Variants in RAB27B observed in about 807,000 individuals in gnomAD.
RAB27B encodes the protein RAB27B, member RAS oncogene family.
In RAB27B, 15 loss-of-function variants were observed where a neutral mutation model predicts 24.6. The ratio of observed to expected loss-of-function variants is 0.61; its 90% CI spans 0.41 to 0.94. The LOEUF (loss-of-function observed/expected upper bound fraction) is 0.94. Among genes scored for constraint, RAB27B ranks in the 40% least tolerant of loss-of-function variants. RAB27B has a pLI of 0.00. For missense variants in RAB27B, 261 were observed against 266.8 expected (o/e 0.98, Z 0.15); for synonymous variants, 105 against 92.5 (o/e 1.14, Z -0.78).
intron 2 of RAB27B, among the ~76,000 whole-genome samples, chr18:54,801,882 TGTCA>T (rs1909623730): frequency 6.6e-6 from 1 of 152,166 alleles, no homozygotes; most frequent in African/African-American, 2.4e-5. Flanking sequence ...CTATTAAAAT[TGTCA>T]GTCCTATTTT....
intron 3 of RAB27B, among the ~76,000 whole-genome samples, chr18:54,882,181 G>A (rs1205834634): frequency 1.3e-5 from 2 of 152,096 alleles, no homozygotes; most frequent in Non-Finnish European, 2.9e-5. Flanking sequence ...TCCTACTTTG[G>A]AAATAAATAG....
At chr18:54,882,672 G>A (rs569299424) in intron 3 of RAB27B, among the ~76,000 whole-genome samples, 5 of 152,314 alleles carry the variant, frequency 3.3e-5, no homozygotes, top group Admixed American at 2.0e-4. Flanking sequence ...AGAAAGACCA[G>A]CATGTGTGAA....
intron 2 of RAB27B, among the ~76,000 whole-genome samples, chr18:54,804,934 CTTTCTTTCTTTCTTTCTTTCTCTT>C: frequency 2.6e-5 from 2 of 76,570 alleles, no homozygotes; most frequent in East Asian, 4.7e-4. Context: ...TTCTTTCTTT[CTTTCTTTCTTTCTTTCTTTCTCTT>C]TCTTTCTGCC....
chr18:54,785,088 C>T (rs1278195577), intron 2 of RAB27B, among the ~76,000 whole-genome samples: 1 of 144,156 alleles, frequency 6.9e-6, no homozygotes, highest in Non-Finnish European at 1.5e-5. Context: ...TGTACCTGCC[C>T]TTCCATCTGG....
intron 1 of RAB27B, among the ~76,000 whole-genome samples, chr18:54,843,991 A>G (rs1453687864): frequency 6.6e-6 from 1 of 152,232 alleles, no homozygotes; most frequent in East Asian, 1.9e-4. Context: ...AAGAAAAGCC[A>G]TCCCATAACT....
At chr18:54,765,535 G>T (rs1449436781) in intron 2 of RAB27B, among the ~76,000 whole-genome samples, 2 of 152,062 alleles carry the variant, frequency 1.3e-5, no homozygotes, top group East Asian at 1.9e-4. Flanking sequence ...AATTTGCTTT[G>T]TTCCAGTTAA....
intron 2 of RAB27B, among the ~76,000 whole-genome samples, chr18:54,788,797 T>TAGGA (rs1909166579): frequency 6.6e-6 from 1 of 150,704 alleles, no homozygotes; most frequent in Admixed American, 6.7e-5. Flanking sequence ...TATTTTTGTG[T>TAGGA]AGGAGCCTCT....
At chr18:54,885,240 G>T (rs1283856818) in intron 4 of RAB27B, among the ~76,000 whole-genome samples, 3 of 152,128 alleles carry the variant, frequency 2.0e-5, no homozygotes, top group African/African-American at 7.2e-5. Flanking sequence ...GTCCTATGGG[G>T]CTGCTCTTAT....
intron 1 of RAB27B, among the ~76,000 whole-genome samples, chr18:54,852,000 G>A (rs148992124): frequency 6.6e-6 from 1 of 152,154 alleles, no homozygotes; most frequent in East Asian, 1.9e-4. Context: ...TTCTTCACAG[G>A]ACTTGAGCAT....
chr18:54,781,957 A>G (rs73960631), intron 2 of RAB27B, among the ~76,000 whole-genome samples: 9,872 of 152,284 alleles, frequency 0.065, 422 homozygotes, highest in African/African-American at 0.1. Context: ...TAATGTGCCC[A>G]CTAAGCTTTT....
intron 1 of RAB27B, among the ~76,000 whole-genome samples, chr18:54,833,675 T>C (rs1167565049): frequency 2.0e-5 from 3 of 152,204 alleles, no homozygotes; most frequent in Non-Finnish European, 4.4e-5. Context: ...ATGGCAGAAG[T>C]TGTCAAGAGG....
chr18:54,812,649 T>C (rs1910002493), intron 2 of RAB27B, among the ~76,000 whole-genome samples: 1 of 151,810 alleles, frequency 6.6e-6, no homozygotes, highest in African/African-American at 2.4e-5. Context: ...TGGGAAATTT[T>C]AACCTAGACA....
intron 1 of RAB27B, among the ~76,000 whole-genome samples, chr18:54,855,501 G>C (rs1000594700): frequency 6.6e-6 from 1 of 152,186 alleles, no homozygotes; most frequent in Admixed American, 6.5e-5. Context: ...TTGGATACAA[G>C]ATAGAAGTAA....
chr18:54,773,322 A>G (rs1179578999), intron 2 of RAB27B, among the ~76,000 whole-genome samples: 1 of 152,214 alleles, frequency 6.6e-6, no homozygotes, highest in African/African-American at 2.4e-5. Context: ...CTCAGCAACC[A>G]TGGCGTGCTG....
intron 2 of RAB27B, among the ~76,000 whole-genome samples, chr18:54,743,801 AT>A (rs1910146418): frequency 6.6e-6 from 1 of 152,184 alleles, no homozygotes; most frequent in Non-Finnish European, 1.5e-5. Flanking sequence ...GCCCAGTGAG[AT>A]GAGAAACCCT....
intron 1 of RAB27B, among the ~76,000 whole-genome samples, chr18:54,840,964 T>TG (rs2145200275): frequency 6.6e-6 from 1 of 151,966 alleles, no homozygotes; most frequent in East Asian, 1.9e-4. Context: ...CTGGCCAACA[T>TG]GGTGAAACCC....
At chr18:54,886,853 C>G (rs1300435041) in intron 4 of RAB27B, among the ~76,000 whole-genome samples, 3 of 152,048 alleles carry the variant, frequency 2.0e-5, no homozygotes, top group Non-Finnish European at 4.4e-5. Context: ...TTGTCTTCTT[C>G]CTCTAGTCTT....
chr18:54,745,927 A>G (rs570542512), intron 2 of RAB27B, among the ~76,000 whole-genome samples: 48 of 151,352 alleles, frequency 3.2e-4, no homozygotes, highest in African/African-American at 1.1e-3. Flanking sequence ...AAATAGATAC[A>G]AAGATGGATA....
chr18:54,809,253 G>A (rs749663194), intron 2 of RAB27B, among the ~76,000 whole-genome samples: 2 of 152,150 alleles, frequency 1.3e-5, no homozygotes, highest in Non-Finnish European at 2.9e-5. Context: ...ACTACAAATA[G>A]CATCAGTTTC....
Sources: gnomAD v4.1 joint callset for allele counts (sites outside exome capture counted in the v4.1 genomes callset) on GRCh38, gnomAD v4.1.1 for gene constraint, MANE v1.5 for transcripts, NCBI Gene and HGNC (gene_info 2026-07-23, HGNC 2026-07-21) for gene names.